Variants in WARS2 observed in about 807,000 individuals in gnomAD.
The protein encoded by WARS2 is tryptophan--tRNA ligase, mitochondrial.
Under a neutral mutation model 36.5 loss-of-function variants are expected in WARS2, and 28 were observed. The ratio of observed to expected loss-of-function variants is 0.77; its 90% CI spans 0.57 to 1.05. The LOEUF (loss-of-function observed/expected upper bound fraction) is 1.05, where lower values mean the gene tolerates loss of function less well. Ranked by LOEUF, WARS2 falls within the 50% of genes least tolerant of loss-of-function variation. The pLI, the probability that WARS2 is intolerant of heterozygous loss-of-function variation, is 0.00. For missense variants in WARS2, 435 were observed against 456.8 expected, an observed-to-expected ratio of 0.95 and a Z score of 0.44; for synonymous variants, 174 against 178.4, an observed-to-expected ratio of 0.98 and a Z score of 0.20.
At chr1:119,119,491 T>C (rs1204509206) in intron 1 of WARS2, among the ~76,000 whole-genome samples, 2 of 152,034 alleles carry the variant, frequency 1.3e-5, no homozygotes, top group African/African-American at 4.8e-5. Flanking sequence ...CTGACAGCAC[T>C]AGACAGGTCA....
At chr1:119,075,725 C>G (rs1319545701) in intron 2 of WARS2, among the ~76,000 whole-genome samples, 1 of 152,152 alleles carries the variant, frequency 6.6e-6, no homozygotes, top group Non-Finnish European at 1.5e-5. Context: ...TGCCTTGTCT[C>G]TAGGCCAGAC....
intron 4 of WARS2, among the ~76,000 whole-genome samples, chr1:119,035,232 A>G (rs1175787873): frequency 6.6e-6 from 1 of 152,158 alleles, no homozygotes; most frequent in East Asian, 1.9e-4. Context: ...GGATTAAAAA[A>G]CAGGCAATTT....
At chr1:119,068,951 C>A (rs150376262) in intron 2 of WARS2, among the ~76,000 whole-genome samples, 1 of 151,898 alleles carries the variant, frequency 6.6e-6, no homozygotes, top group African/African-American at 2.4e-5. Context: ...GACTAGAGGC[C>A]AGTGGGAGAG....
chr1:119,092,833 C>T (rs1253320156), intron 1 of WARS2, among the ~76,000 whole-genome samples: 1 of 152,136 alleles, frequency 6.6e-6, no homozygotes, highest in African/African-American at 2.4e-5. Flanking sequence ...TAAATATTAG[C>T]TATCTTCATC....
chr1:119,063,719 T>C (rs1650596191), intron 2 of WARS2: 1 of 152,194 alleles, frequency 6.6e-6, no homozygotes, highest in Non-Finnish European at 1.5e-5. Context: ...CTTGGCAGCT[T>C]CCATGTGGTG....
intron 2 of WARS2, among the ~76,000 whole-genome samples, chr1:119,066,477 C>CAAAA (rs34709639): frequency 5.8e-4 from 27 of 46,440 alleles, no homozygotes; most frequent in South Asian, 2.1e-3. Flanking sequence ...GGCTCTGTCT[C>CAAAA]AAAAAAAAAA....
Position 119,033,143 on chromosome 1 carries a change from C to T in WARS2, c.851G>A (p.Gly284Glu), listed in dbSNP as rs1489228318. The T allele has an allele frequency of 6.2e-7, 1 of 1,614,174 alleles. No individual in the cohort carries two copies. Among genetic ancestry groups the T allele is most frequent in the Non-Finnish European group, 8.5e-7 (1 of 1,180,046 alleles). Residue 284 changes from glycine to glutamate, a missense_variant, in exon 6 of 6, where the codon GGG becomes GAG. By Grantham distance (98) the Gly-to-Glu change is moderately conservative. Transcript: ENST00000235521. ...GCGCACCACTTCCTCCACGGAGAGC[C>T]CCGTCACCGCGGCATGCACCGCCAC... ...NIVAVHAAVTGLSVEEVVRRS... is the reference protein window; with the variant it reads ...NIVAVHAAVTELSVEEVVRRS...
intron 1 of WARS2, among the ~76,000 whole-genome samples, chr1:119,086,938 T>G (rs1652717792): frequency 6.6e-6 from 1 of 152,044 alleles, no homozygotes; most frequent in Non-Finnish European, 1.5e-5. Flanking sequence ...CCCTTTCACC[T>G]CTTTTCTGCG....
In WARS2 at chr1:119,032,904, A is replaced by C. The variant is rs766389848; in HGVS notation, c.*7T>G. 9.3e-6 allele frequency: 15 copies of C among 1,604,800 alleles called. No individual in the cohort carries two copies. In the African/African-American group the frequency reaches 1.9e-4, roughly 20 times the overall value. On this transcript the variant is annotated 3_prime_UTR_variant, in exon 6 of 6. Transcript: ENST00000235521. ...ACAAAAGCCTTGCTGTGATTCGTTG[A>C]AACTTCCTATAGAAAACCCACCAAT...
At chr1:119,140,254 C>A (rs1656850875) in intron 1 of WARS2, 1 of 299,276 alleles carries the variant, frequency 3.3e-6, no homozygotes, top group East Asian at 6.0e-5. Flanking sequence ...ACATCACACG[C>A]GGGGTAGGCT....
At chr1:119,057,399 C>T (rs1056894064) in intron 2 of WARS2, among the ~76,000 whole-genome samples, 3 of 151,898 alleles carry the variant, frequency 2.0e-5, no homozygotes, top group Non-Finnish European at 2.9e-5. Context: ...CCTCCTCGGC[C>T]TTCCAAAGTG....
intron 1 of WARS2, among the ~76,000 whole-genome samples, chr1:119,084,099 C>T (rs937137060): frequency 1.3e-5 from 2 of 151,504 alleles, no homozygotes; most frequent in South Asian, 4.2e-4. Context: ...GAGCTCACTG[C>T]AGCCTCAAAC....
At chr1:119,127,772 T>C (rs1655776118) in intron 1 of WARS2, among the ~76,000 whole-genome samples, 1 of 152,166 alleles carries the variant, frequency 6.6e-6, no homozygotes, top group Non-Finnish European at 1.5e-5. Context: ...CTACATTTTT[T>C]CCCATTTCTT....
In WARS2 at chr1:119,034,220, TAA is replaced by T. The variant is rs1237307423; in HGVS notation, c.516-9_516-8del. 1 of 1,610,498 alleles carries T rather than the reference TAA, an allele frequency of 6.2e-7. No individual in the cohort carries two copies. The highest frequency in any genetic ancestry group is 8.5e-7 in the Non-Finnish European group (1 of 1,177,348). ...AACAGGAACGTGTGTGGACCTTTAA[TAA>T]AAGACAGACAGAAAAACAACAGCAA... On this transcript the variant is annotated splice_polypyrimidine_tract_variant and splice_region_variant and intron_variant, in intron 4 of 5. Transcript: ENST00000235521.
intron 2 of WARS2, among the ~76,000 whole-genome samples, chr1:119,075,154 G>GTATACATATATATA (rs1553241475): frequency 6.6e-6 from 1 of 151,010 alleles, no homozygotes; most frequent in African/African-American, 2.5e-5. Flanking sequence ...AAAAATTAGT[G>GTATACATATATATA]TATATATATA....
At chr1:119,131,728 T>C (rs1265495642) in intron 1 of WARS2, among the ~76,000 whole-genome samples, 3 of 152,222 alleles carry the variant, frequency 2.0e-5, no homozygotes, top group South Asian at 2.1e-4. Context: ...CCCAAAGTGC[T>C]GGGATTACAG....
intron 1 of WARS2, among the ~76,000 whole-genome samples, chr1:119,139,115 A>C (rs1234567928): frequency 6.6e-6 from 1 of 152,168 alleles, no homozygotes; most frequent in African/African-American, 2.4e-5. Flanking sequence ...ATGTGCTATA[A>C]ATTATAAATA....
At chr1:119,035,324 C>G (rs12132585) in intron 4 of WARS2, among the ~76,000 whole-genome samples, 16,775 of 151,856 alleles carry the variant, frequency 0.11, 1,035 homozygotes, top group South Asian at 0.16. Flanking sequence ...ATCAAAGAAA[C>G]AATATTGCTC....
chr1:119,041,366 G>A (rs1161330504), intron 4 of WARS2, among the ~76,000 whole-genome samples: 8 of 152,134 alleles, frequency 5.3e-5, no homozygotes, highest in African/African-American at 1.4e-4. Flanking sequence ...ATTGAGAGGG[G>A]GATGAAATCA....
Sources: gnomAD v4.1 joint callset for allele counts (sites outside exome capture counted in the v4.1 genomes callset) on GRCh38, gnomAD v4.1.1 for gene constraint, MANE v1.5 for transcripts, NCBI Gene and HGNC (gene_info 2026-07-23, HGNC 2026-07-21) for gene names.